CMTM8: variants seen among roughly 807,000 people sequenced by gnomAD.
CMTM8 encodes the protein CKLF-like MARVEL transmembrane domain-containing protein 8.
Under a neutral mutation model 18.6 loss-of-function variants are expected in CMTM8, and 12 were observed. That is an observed-to-expected ratio of 0.65 (90% CI 0.41 to 1.05). The LOEUF is 1.05. Ranked by LOEUF, CMTM8 falls within the 50% of genes least tolerant of loss-of-function variation. CMTM8 has a pLI of 0.00. For missense variants in CMTM8, 217 were observed against 227.2 expected (o/e 0.95, Z 0.29); for synonymous variants, 87 against 90.6 (o/e 0.96, Z 0.23).
intron 1 of CMTM8, among the ~76,000 whole-genome samples, chr3:32,292,746 C>G (rs1192307468): frequency 1.3e-5 from 2 of 152,086 alleles, no homozygotes; most frequent in Non-Finnish European, 2.9e-5. Context: ...TGACCTCTAC[C>G]TACTAGATGC....
intron 1 of CMTM8, among the ~76,000 whole-genome samples, chr3:32,290,991 A>G (rs1348094011): frequency 2.0e-5 from 3 of 152,042 alleles, no homozygotes; most frequent in Admixed American, 6.6e-5. Flanking sequence ...CAAGTGATCC[A>G]CCCACCTCAG....
intron 1 of CMTM8, among the ~76,000 whole-genome samples, chr3:32,286,472 TGGCAAA>T (rs1466698709): frequency 6.6e-6 from 1 of 152,074 alleles, no homozygotes; most frequent in African/African-American, 2.4e-5. Context: ...TATAATTTGG[TGGCAAA>T]GTTAATGTTC....
intron 2 of CMTM8, among the ~76,000 whole-genome samples, chr3:32,361,160 T>C (rs1696916935): frequency 6.6e-6 from 1 of 152,188 alleles, no homozygotes; most frequent in South Asian, 2.1e-4. Flanking sequence ...TTTATATTTT[T>C]AGTAGAGACA....
At chr3:32,284,241 A>G (rs943399121) in intron 1 of CMTM8, among the ~76,000 whole-genome samples, 1 of 152,266 alleles carries the variant, frequency 6.6e-6, no homozygotes, top group Non-Finnish European at 1.5e-5. Flanking sequence ...CAACAGAGCG[A>G]GACTCCGTCT....
intron 1 of CMTM8, among the ~76,000 whole-genome samples, chr3:32,283,831 G>A (rs555298565): frequency 6.6e-6 from 1 of 152,312 alleles, no homozygotes; most frequent in Admixed American, 6.5e-5. Flanking sequence ...CCAGAAAACA[G>A]TGCTCTAGGT....
chr3:32,332,457 A>G (rs998649146), intron 1 of CMTM8, among the ~76,000 whole-genome samples: 2 of 151,648 alleles, frequency 1.3e-5, no homozygotes, highest in African/African-American at 4.8e-5. Flanking sequence ...AGTGGCAGAG[A>G]GGAGTCAGGA....
chr3:32,348,528 A>ATTTTTTTTTTTTTTTTTTT (rs1696644905), intron 1 of CMTM8, among the ~76,000 whole-genome samples: 1 of 16,250 alleles, frequency 6.2e-5, no homozygotes, highest in Non-Finnish European at 1.7e-4. Context: ...TCTTCCTGGA[A>ATTTTTTTTTTTTTTTTTTT]CTTTTTTTTT....
At chr3:32,274,171 A>G (rs1158262034) in intron 1 of CMTM8, among the ~76,000 whole-genome samples, 1 of 151,984 alleles carries the variant, frequency 6.6e-6, no homozygotes, top group Non-Finnish European at 1.5e-5. Flanking sequence ...TTAGCCAGGC[A>G]TGGTGGTGCA....
intron 1 of CMTM8, among the ~76,000 whole-genome samples, chr3:32,316,690 A>G (rs575623421): frequency 3.3e-4 from 51 of 152,322 alleles, no homozygotes; most frequent in African/African-American, 1.2e-3. Flanking sequence ...CTAAAACAGC[A>G]GCAATTTTCA....
Position 32,309,769 on chromosome 3 carries a change from G to A in CMTM8, c.148-47604G>A, listed in dbSNP as rs117914456. 1.8e-3 allele frequency among the ~76,000 whole-genome samples: 269 copies of A among 152,320 alleles called. 2 individuals are homozygous for A. In the East Asian group the frequency reaches 0.041, roughly 23 times the overall value. On this transcript the variant is annotated intron_variant, in intron 1 of 3. Transcript: ENST00000307526. ...GGTTCATCAGAAGTCCAGAACAGAT[G>A]TTCATACCCTGTGTTAGCCCTGTCT...
At chr3:32,320,594 T>C (rs1440433019) in intron 1 of CMTM8, among the ~76,000 whole-genome samples, 1 of 152,170 alleles carries the variant, frequency 6.6e-6, no homozygotes. Flanking sequence ...ATTGTGTACT[T>C]TAAGTGGTTG....
At chr3:32,260,073 G>A in intron 1 of CMTM8, 1 of 1,083,806 alleles carries the variant, frequency 9.2e-7, no homozygotes, top group South Asian at 1.3e-5. Context: ...GAGATCGCCA[G>A]CTACCATCGC....
intron 1 of CMTM8, among the ~76,000 whole-genome samples, chr3:32,308,634 C>G (rs1486280909): frequency 6.6e-6 from 1 of 152,102 alleles, no homozygotes; most frequent in East Asian, 1.9e-4. Flanking sequence ...TGGTACCTAC[C>G]TCAGAATCAT....
intron 1 of CMTM8, among the ~76,000 whole-genome samples, chr3:32,287,452 G>T (rs939632975): frequency 1.3e-5 from 2 of 152,140 alleles, no homozygotes; most frequent in Non-Finnish European, 2.9e-5. Flanking sequence ...AAATCCTTCA[G>T]CTGTTAATAC....
At position 32,348,529 on chromosome 3, in the gene CMTM8, C is replaced by CTTTTTT. The variant is rs56252781; in HGVS notation, c.148-8836_148-8831dup. On this transcript the variant is annotated intron_variant, in intron 1 of 3. Transcript: ENST00000307526. ...TTTTCTTCACTCTCTCTTCCTGGAA[C>CTTTTTT]TTTTTTTTTTTTTGGAGACAAGATC... is the stretch of plus-strand genomic sequence containing the variant. 2.3e-4 allele frequency among the ~76,000 whole-genome samples: 23 copies of CTTTTTT among 102,050 alleles called. 6 individuals are homozygous for CTTTTTT. The highest frequency in any genetic ancestry group is 4.1e-4 in the South Asian group (1 of 2,456). The allele number at this position is 102,050 out of a possible 152,430, so 66.9% of individuals were successfully genotyped here. A position where few individuals can be genotyped will look rare whatever the true frequency, so the allele number is the denominator to read the frequency against.
At chr3:32,365,252 A>G (rs558363423) in intron 2 of CMTM8, among the ~76,000 whole-genome samples, 2 of 152,084 alleles carry the variant, frequency 1.3e-5, no homozygotes, top group South Asian at 2.1e-4. Flanking sequence ...ATTTATCTTA[A>G]TATGTCCACA....
intron 1 of CMTM8, among the ~76,000 whole-genome samples, chr3:32,285,008 G>A (rs1489647220): frequency 1.3e-5 from 2 of 152,172 alleles, no homozygotes; most frequent in African/African-American, 4.8e-5. Flanking sequence ...CCCAGCGAAG[G>A]TGATCAAGGT....
intron 1 of CMTM8, among the ~76,000 whole-genome samples, chr3:32,270,531 T>C (rs954244608): frequency 6.6e-6 from 1 of 152,338 alleles, no homozygotes; most frequent in Admixed American, 6.5e-5. Context: ...CGTGGAATAC[T>C]ATGCAGCCAT....
At position 32,364,020 on chromosome 3, in the gene CMTM8, A is replaced by T. The variant is rs1007642539; in HGVS notation, c.322-3852A>T. Among the ~76,000 whole-genome samples the T allele has an allele frequency of 2.6e-5, 4 of 152,260 alleles. No homozygotes were observed. In the East Asian group the frequency reaches 7.7e-4, roughly 29 times the overall value. The stretch of plus-strand genomic sequence containing the variant: ...CTTCCACCAATGTGTGGTAATAGGG[A>T]CTAGAGAGCCAGAAAGGCAAGCCGC... On this transcript the variant is annotated intron_variant, in intron 2 of 3. Coordinates refer to ENST00000307526, the MANE Select transcript of CMTM8 (RefSeq NM_178868.5).
Sources: gnomAD v4.1 joint callset for allele counts (sites outside exome capture counted in the v4.1 genomes callset) on GRCh38, gnomAD v4.1.1 for gene constraint, MANE v1.5 for transcripts, NCBI Gene and HGNC (gene_info 2026-07-23, HGNC 2026-07-21) for gene names.